ADAM7: variants seen among roughly 807,000 people sequenced by gnomAD.
The protein encoded by ADAM7 is disintegrin and metalloproteinase domain-containing protein 7.
Under a neutral mutation model 102.9 loss-of-function variants are expected in ADAM7, and 97 were observed. The ratio of observed to expected loss-of-function variants is 0.94; its 90% CI spans 0.80 to 1.12. The LOEUF is 1.12. Ranked by LOEUF, ADAM7 falls within the 50% of genes most tolerant of loss-of-function variation. The pLI is 0.00. For missense variants in ADAM7, 991 were observed against 908.7 expected (o/e 1.09, Z -1.16); for synonymous variants, 334 against 304.4 (o/e 1.10, Z -1.01).
intron 3 of ADAM7, among the ~76,000 whole-genome samples, chr8:24,456,242 T>C (rs974929195): frequency 6.6e-6 from 1 of 152,244 alleles, no homozygotes; most frequent in Non-Finnish European, 1.5e-5. Context: ...TTCCTGTGCC[T>C]GGCTTTTTTC....
At chr8:24,499,114 A>C in intron 16 of ADAM7, 122 bp from the exon 17 acceptor site, 1 of 680,800 alleles carries the variant, frequency 1.5e-6, no homozygotes, top group Non-Finnish European at 2.3e-6. Flanking sequence ...AAATCATGTA[A>C]ATTGAAATTT....
intron 19 of ADAM7, among the ~76,000 whole-genome samples, 191 bp from the exon 20 acceptor site, chr8:24,501,286 T>G (rs563752976): frequency 1.3e-5 from 2 of 152,106 alleles, no homozygotes; most frequent in African/African-American, 4.8e-5. Context: ...TCAGGTGACA[T>G]CACTGAAGAT....
chr8:24,489,575 T>C (rs1427175704), intron 12 of ADAM7, among the ~76,000 whole-genome samples: 1 of 152,198 alleles, frequency 6.6e-6, no homozygotes, highest in East Asian at 1.9e-4. Context: ...TCAGCTTTCC[T>C]TGTTAATATA....
At chr8:24,482,367 C>CAA in intron 9 of ADAM7, 56 bp downstream of exon 9, 1 of 1,438,252 alleles carries the variant, frequency 7.0e-7, no homozygotes, top group Non-Finnish European at 9.3e-7. Context: ...CAAAAGAAAA[C>CAA]AAAAAAAAAT....
Position 24,465,726 on chromosome 8 carries a change from G to A in ADAM7, c.340G>A (p.Val114Ile), listed in dbSNP as rs771113387. The change falls in exon 5 of 22, where the codon GTA becomes ATA. Residue 114 changes from valine (V) to isoleucine (I), a missense_variant. Transcript: ENST00000175238. ...TCATTGTTTTTACCAAGGATCCATA[G>A]TACACGAATATGATTCAGCTGCCAG... is the stretch of plus-strand genomic sequence containing the variant. ...MDHCFYQGSIVHEYDSAASIS... is the reference protein window; with the variant it reads ...MDHCFYQGSIIHEYDSAASIS... 6.2e-7 allele frequency: 1 copy of A among 1,610,460 alleles called. No homozygotes were observed. The highest frequency in any genetic ancestry group is 8.5e-7 in the Non-Finnish European group (1 of 1,178,272).
intron 11 of ADAM7, 144 bp from the exon 12 acceptor site, chr8:24,489,015 A>G (rs1010719789): frequency 3.1e-6 from 2 of 653,432 alleles, no homozygotes; most frequent in Non-Finnish European, 4.7e-6. Flanking sequence ...GATATTTTCT[A>G]TAATAAAGGA....
Position 24,463,845 on chromosome 8 carries a change from C to A in ADAM7, c.234-37C>A, listed in dbSNP as rs576717055. On this transcript the variant is annotated intron_variant, in intron 3 of 21. Transcript: ENST00000175238. ...GGTTTTATCTGTCAGGTTTTTAGAA[C>A]GAACAAATCTCACCACCTGTCTGCC... 4.5e-6 allele frequency: 7 copies of A among 1,558,046 alleles called. No homozygotes were observed. In the Admixed American group the frequency reaches 1.0e-4, roughly 23 times the overall value.
chr8:24,499,851 C>CACAT (rs571669809), intron 17 of ADAM7, among the ~76,000 whole-genome samples: 1 of 151,658 alleles, frequency 6.6e-6, no homozygotes, highest in Non-Finnish European at 1.5e-5. Context: ...CACACACACA[C>CACAT]ACATACATAT....
Position 24,506,132 on chromosome 8 carries a change from T to C in ADAM7, c.2209-1348T>C. ...CCTTGGAAAGCCTGCCCACTAGTTT[T>C]TCAAGTCCCCACTACATCACACTGG... is the stretch of plus-strand genomic sequence containing the variant. On this transcript the variant is annotated intron_variant, in intron 20 of 21. Transcript: ENST00000175238. The C allele has an allele frequency of 1.3e-6, 2 of 1,550,300 alleles. 1 individual carries two copies. The highest frequency in any genetic ancestry group is 2.4e-5 in the South Asian group (2 of 83,994).
intron 10 of ADAM7, 132 bp downstream of exon 10, chr8:24,485,493 T>C (rs536486452): frequency 2.8e-5 from 18 of 645,676 alleles, no homozygotes; most frequent in South Asian, 8.9e-5. Context: ...GAACAGACTG[T>C]TATGCTTCCT....
intron 3 of ADAM7, among the ~76,000 whole-genome samples, chr8:24,451,852 T>G (rs1168355549): frequency 6.6e-6 from 1 of 150,750 alleles, no homozygotes. Context: ...ATGTTGTGTC[T>G]TTGTTCTCGT....
chr8:24,507,436 A>T (rs1453808062), intron 20 of ADAM7, 44 bp from the exon 21 acceptor site: 1 of 1,516,582 alleles, frequency 6.6e-7, no homozygotes, highest in Non-Finnish European at 9.2e-7. Context: ...CATGCGTGTA[A>T]CATCTGATGT....
intron 20 of ADAM7, chr8:24,506,250 G>T: frequency 9.7e-7 from 1 of 1,029,582 alleles, no homozygotes; most frequent in Non-Finnish European, 1.4e-6. Flanking sequence ...CCTTGAAAAG[G>T]ACCAATAATA....
At chr8:24,456,979 T>C (rs891968654) in intron 3 of ADAM7, among the ~76,000 whole-genome samples, 1 of 152,308 alleles carries the variant, frequency 6.6e-6, no homozygotes, top group Admixed American at 6.5e-5. Flanking sequence ...AGGAGTGATA[T>C]TCCTGAGTCA....
intron 8 of ADAM7, among the ~76,000 whole-genome samples, chr8:24,477,967 C>A (rs1819824413): frequency 6.6e-6 from 1 of 152,038 alleles, no homozygotes; most frequent in Non-Finnish European, 1.5e-5. Flanking sequence ...TTATAGTTTC[C>A]ACCTCTCTGC....
chr8:24,448,395 G>T (rs1818645871), intron 3 of ADAM7, among the ~76,000 whole-genome samples: 1 of 152,116 alleles, frequency 6.6e-6, no homozygotes, highest in Admixed American at 6.6e-5. Flanking sequence ...GTAGTGGCAT[G>T]TTAGTGAATT....
chr8:24,488,666 G>A (rs1289183991), intron 11 of ADAM7, among the ~76,000 whole-genome samples: 1 of 152,030 alleles, frequency 6.6e-6, no homozygotes. Context: ...TAAATTTCAG[G>A]TTAAGAAGTA....
At chr8:24,498,215 G>T (rs544679191) in intron 16 of ADAM7, among the ~76,000 whole-genome samples, 109 of 151,702 alleles carry the variant, frequency 7.2e-4, no homozygotes, top group African/African-American at 2.3e-3. Context: ...TTATTACAAT[G>T]ATGTAAAAAA....
intron 16 of ADAM7, among the ~76,000 whole-genome samples, chr8:24,497,810 G>C (rs1188842808): frequency 1.3e-5 from 2 of 152,038 alleles, no homozygotes; most frequent in Non-Finnish European, 2.9e-5. Flanking sequence ...AAGCACAAAA[G>C]AGAAAAGGTC....
Sources: allele counts gnomAD v4.1 joint callset (sites outside exome capture counted in the v4.1 genomes callset), GRCh38; gene constraint gnomAD v4.1.1; transcripts MANE v1.5; gene names NCBI Gene and HGNC (gene_info 2026-07-23, HGNC 2026-07-21).